Variants in RAB7A observed in about 807,000 individuals in gnomAD.
RAB7A encodes ras-related protein Rab-7a.
RAB7A carries 2 observed loss-of-function variants against 24.5 expected under a neutral mutation model. The ratio of observed to expected loss-of-function variants is 0.08; its 90% confidence interval spans 0.03 to 0.26. The LOEUF is 0.26. RAB7A is among the 10% of genes least tolerant of loss of function. RAB7A has a pLI of 1.00. For synonymous variants in RAB7A, 100 were observed against 95.9 expected (o/e 1.04, Z -0.25); for missense variants, 118 against 255.7 (o/e 0.46, Z 3.67).
chr3:128,813,585 TCACACACACA>T lies in RAB7A; in HGVS notation c.*171_*180del, dbSNP rs3830294. On this transcript the variant is annotated 3_prime_UTR_variant, in exon 6 of 6. Coordinates refer to ENST00000265062, the MANE Select transcript of RAB7A (RefSeq NM_004637.6). ...AACACAGTTACACCCCACATATCTC[TCACACACACA>T]CACACACGCACACACACACACACAG... 8.2e-4 allele frequency: 516 copies of T among 630,156 alleles called. 1 individual carries two copies. The highest frequency in any genetic ancestry group is 1.3e-3 in the Non-Finnish European group (460 of 341,584). The allele number at this position is 630,156 out of a possible 1,614,324, so 39.0% of individuals were successfully genotyped here. A position where few individuals can be genotyped will look rare whatever the true frequency, so the allele number is the denominator to read the frequency against.
At chr3:128,764,344 G>A (rs1187659299) in intron 1 of RAB7A, 22 of 596,476 alleles carry the variant, frequency 3.7e-5, no homozygotes, top group East Asian at 2.8e-4. Context: ...GGTACAAATC[G>A]AAGAACTTAA....
intron 1 of RAB7A, among the ~76,000 whole-genome samples, chr3:128,751,738 G>A (rs1021809125): frequency 6.6e-6 from 1 of 152,174 alleles, no homozygotes; most frequent in Non-Finnish European, 1.5e-5. Context: ...GAAATGTGAG[G>A]ACATTAGATT....
intron 1 of RAB7A, among the ~76,000 whole-genome samples, chr3:128,787,112 G>A (rs1380191500): frequency 6.6e-6 from 1 of 152,158 alleles, no homozygotes; most frequent in East Asian, 1.9e-4. Context: ...ACCTTCCTGA[G>A]TTTTCTACAA....
intron 1 of RAB7A, among the ~76,000 whole-genome samples, chr3:128,766,478 G>T (rs559206457): frequency 2.0e-5 from 3 of 152,298 alleles, no homozygotes; most frequent in African/African-American, 7.2e-5. Flanking sequence ...CTGGGATCAT[G>T]ATTTTAAAAT....
intron 1 of RAB7A, among the ~76,000 whole-genome samples, chr3:128,742,602 G>T (rs2070565842): frequency 6.6e-6 from 1 of 152,088 alleles, no homozygotes; most frequent in Non-Finnish European, 1.5e-5. Flanking sequence ...GTCCCCACTA[G>T]ATTAGCTAGA....
At chr3:128,755,303 A>C (rs144292042) in intron 1 of RAB7A, among the ~76,000 whole-genome samples, 59 of 152,316 alleles carry the variant, frequency 3.9e-4, no homozygotes, top group African/African-American at 1.4e-3. Flanking sequence ...GATTAGAAAC[A>C]ATTTAACAGA....
At chr3:128,802,853 G>A (rs1470039007) in intron 3 of RAB7A, among the ~76,000 whole-genome samples, 1 of 152,022 alleles carries the variant, frequency 6.6e-6, no homozygotes, top group Non-Finnish European at 1.5e-5. Flanking sequence ...CGCCCAGGCT[G>A]GAGTGCAGTG....
At chr3:128,799,471 C>T (rs1933650972) in intron 3 of RAB7A, among the ~76,000 whole-genome samples, 1 of 152,110 alleles carries the variant, frequency 6.6e-6, no homozygotes, top group Admixed American at 6.5e-5. Flanking sequence ...TAGAAAGTAC[C>T]TGGCAAATAG....
intron 1 of RAB7A, among the ~76,000 whole-genome samples, chr3:128,771,437 C>T (rs901847266): frequency 6.6e-6 from 1 of 152,178 alleles, no homozygotes; most frequent in Non-Finnish European, 1.5e-5. Flanking sequence ...GGGCTTACTC[C>T]ATTTTGTCAG....
intron 1 of RAB7A, among the ~76,000 whole-genome samples, chr3:128,746,617 C>T (rs2070618580): frequency 6.6e-6 from 1 of 152,114 alleles, no homozygotes. Flanking sequence ...CAAGCTCCGC[C>T]TCCCAGGTTC....
chr3:128,777,394 G>T (rs988118145), intron 1 of RAB7A, among the ~76,000 whole-genome samples: 21 of 152,006 alleles, frequency 1.4e-4, no homozygotes, highest in Non-Finnish European at 2.8e-4. Flanking sequence ...TAGAGATGGG[G>T]TCTCCCTATG....
intron 1 of RAB7A, among the ~76,000 whole-genome samples, chr3:128,737,973 G>C (rs1238569027): frequency 6.6e-6 from 1 of 151,172 alleles, no homozygotes; most frequent in Non-Finnish European, 1.5e-5. Context: ...ACCATGCCCA[G>C]CTCTGCCCTG....
At chr3:128,742,927 C>T (rs1301560277) in intron 1 of RAB7A, among the ~76,000 whole-genome samples, 2 of 152,338 alleles carry the variant, frequency 1.3e-5, no homozygotes, top group South Asian at 2.1e-4. Context: ...TGCGCACCTG[C>T]ACTCCTCAGC....
At chr3:128,765,124 T>TACGG in intron 1 of RAB7A, 1 of 726,650 alleles carries the variant, frequency 1.4e-6, no homozygotes, top group Non-Finnish European at 2.4e-6. Context: ...GAGGGCTGGC[T>TACGG]ACGGGCGGCC....
chr3:128,811,323 A>G (rs1394672767), intron 5 of RAB7A, among the ~76,000 whole-genome samples: 2 of 152,184 alleles, frequency 1.3e-5, no homozygotes, highest in Non-Finnish European at 2.9e-5. Context: ...TTCACAGTAA[A>G]CATATTCCTA....
At chr3:128,773,442 C>T (rs954517729) in intron 1 of RAB7A, among the ~76,000 whole-genome samples, 3 of 144,944 alleles carry the variant, frequency 2.1e-5, no homozygotes, top group Non-Finnish European at 3.2e-5. Context: ...AGCCCCCGCC[C>T]GGCCAGCCGC....
At chr3:128,758,235 G>T (rs1398489309) in intron 1 of RAB7A, among the ~76,000 whole-genome samples, 1 of 148,580 alleles carries the variant, frequency 6.7e-6, no homozygotes, top group Non-Finnish European at 1.5e-5. Flanking sequence ...AATTGCTGGG[G>T]TTACAGGTGT....
At chr3:128,796,615 C>G (rs926325982) in intron 2 of RAB7A, among the ~76,000 whole-genome samples, 1 of 151,868 alleles carries the variant, frequency 6.6e-6, no homozygotes, top group Non-Finnish European at 1.5e-5. Flanking sequence ...TTTGAAAAGC[C>G]AGAGGTTTTT....
At chr3:128,731,717 G>GT (rs1165568963) in intron 1 of RAB7A, among the ~76,000 whole-genome samples, 1 of 152,114 alleles carries the variant, frequency 6.6e-6, no homozygotes, top group African/African-American at 2.4e-5. Context: ...TTGTAAAAGT[G>GT]TATCTTTCGG....
Sources: allele counts gnomAD v4.1 joint callset (sites outside exome capture counted in the v4.1 genomes callset), GRCh38; gene constraint gnomAD v4.1.1; transcripts MANE v1.5; gene names NCBI Gene and HGNC (gene_info 2026-07-23, HGNC 2026-07-21).